Variants in SHISA6 observed in about 807,000 individuals in gnomAD.
SHISA6 encodes shisa family member 6, also known as protein shisa-6.
In SHISA6, 22 loss-of-function variants were observed where a neutral mutation model predicts 47.9. The observed-to-expected ratio is 0.46, with a 90% CI of 0.33 to 0.66. The LOEUF is 0.66. SHISA6 is among the 30% of genes least tolerant of loss of function. The probability of loss-of-function intolerance (pLI) is 0.02; values close to 1 mark genes in which losing one functional copy is unlikely to be tolerated. For synonymous variants in SHISA6, 388 were observed against 337.8 expected, an observed-to-expected ratio of 1.15 and a Z score of -1.63; for missense variants, 680 against 764.6, an observed-to-expected ratio of 0.89 and a Z score of 1.30.
intron 2 of SHISA6, among the ~76,000 whole-genome samples, chr17:11,366,561 G>A (rs1004422831): frequency 6.6e-6 from 1 of 152,198 alleles, no homozygotes; most frequent in Non-Finnish European, 1.5e-5. Context: ...CTAGAGAGTC[G>A]ATGGAAGTGG....
At chr17:11,263,874 G>C (rs1030827041) in intron 2 of SHISA6, among the ~76,000 whole-genome samples, 9 of 152,188 alleles carry the variant, frequency 5.9e-5, no homozygotes, top group African/African-American at 2.2e-4. Flanking sequence ...TGAGTAGGAT[G>C]CTAGATATGT....
At chr17:11,526,375 T>C (rs1351934604) in intron 3 of SHISA6, among the ~76,000 whole-genome samples, 1 of 152,216 alleles carries the variant, frequency 6.6e-6, no homozygotes, top group Non-Finnish European at 1.5e-5. Context: ...CTTGCCTAGT[T>C]TGACAGCAGA....
At chr17:11,262,421 T>C (rs531475337) in intron 1 of SHISA6, among the ~76,000 whole-genome samples, 1 of 152,320 alleles carries the variant, frequency 6.6e-6, no homozygotes, top group South Asian at 2.1e-4. Flanking sequence ...GTGTAGTTTC[T>C]TGTGGCTGTC....
chr17:11,280,375 T>C (rs2142160397), intron 2 of SHISA6, among the ~76,000 whole-genome samples: 1 of 152,330 alleles, frequency 6.6e-6, no homozygotes, highest in Middle Eastern at 3.4e-3. Flanking sequence ...TTAAAATATG[T>C]ACAAGACTGA....
At chr17:11,360,969 T>A (rs1171400899) in intron 2 of SHISA6, among the ~76,000 whole-genome samples, 1 of 151,622 alleles carries the variant, frequency 6.6e-6, no homozygotes, top group East Asian at 1.9e-4. Context: ...TCTCTTTGTT[T>A]TCTTTTTCCC....
intron 3 of SHISA6, among the ~76,000 whole-genome samples, chr17:11,443,013 T>A (rs1395809372): frequency 2.0e-5 from 3 of 152,122 alleles, no homozygotes; most frequent in Non-Finnish European, 2.9e-5. Flanking sequence ...AAGAACTAGA[T>A]TAAAGTTGAG....
chr17:11,479,980 G>A (rs1223987758), intron 3 of SHISA6, among the ~76,000 whole-genome samples: 1 of 151,962 alleles, frequency 6.6e-6, no homozygotes, highest in Admixed American at 6.5e-5. Flanking sequence ...AGGTCTACTG[G>A]CAACGAATTC....
chr17:11,371,863 G>T (rs1160656593), intron 2 of SHISA6, among the ~76,000 whole-genome samples: 1 of 151,954 alleles, frequency 6.6e-6, no homozygotes, highest in Non-Finnish European at 1.5e-5. Flanking sequence ...AAAGGCAAAT[G>T]CCTCCCTCCC....
intron 3 of SHISA6, among the ~76,000 whole-genome samples, chr17:11,487,280 C>T (rs1916375679): frequency 6.6e-6 from 1 of 152,224 alleles, no homozygotes; most frequent in African/African-American, 2.4e-5. Context: ...GCAAGATTCT[C>T]TCCTCCTGCA....
intron 3 of SHISA6, among the ~76,000 whole-genome samples, chr17:11,462,814 G>T (rs1915724041): frequency 6.6e-6 from 1 of 152,120 alleles, no homozygotes; most frequent in Admixed American, 6.6e-5. Flanking sequence ...TTTTAGTGGA[G>T]ATGAGGTTTC....
At chr17:11,405,344 G>A (rs1913916295) in intron 3 of SHISA6, among the ~76,000 whole-genome samples, 2 of 152,072 alleles carry the variant, frequency 1.3e-5, no homozygotes, top group African/African-American at 4.8e-5. Context: ...TAAATTTGAG[G>A]TAGCCAAGGT....
intron 2 of SHISA6, among the ~76,000 whole-genome samples, chr17:11,280,101 A>G (rs1255962979): frequency 6.6e-6 from 1 of 152,244 alleles, no homozygotes. Context: ...AATAAGAGCC[A>G]CTGAATCAAC....
At chr17:11,406,180 T>C (rs1913952189) in intron 3 of SHISA6, among the ~76,000 whole-genome samples, 1 of 152,210 alleles carries the variant, frequency 6.6e-6, no homozygotes, top group Non-Finnish European at 1.5e-5. Context: ...CACAACCACA[T>C]AGGCAGTGGT....
In SHISA6 at chr17:11,484,842, A is replaced by C. The variant is rs558470103; in HGVS notation, c.896-67054A>C. ...CCTGGAAGAAATTGAAAAAATTGTC[A>C]GTGAATTGCCCTCTGAAAAGAGTCT... On this transcript the variant is annotated intron_variant, in intron 3 of 5. Transcript: ENST00000441885. 2.0e-4 allele frequency among the ~76,000 whole-genome samples: 30 copies of C among 152,354 alleles called. 1 individual carries two copies. The highest frequency in any genetic ancestry group is 2.9e-5 in the Non-Finnish European group (2 of 68,030).
intron 1 of SHISA6, among the ~76,000 whole-genome samples, chr17:11,252,985 A>G (rs537256449): frequency 6.6e-6 from 1 of 152,340 alleles, no homozygotes; most frequent in Admixed American, 6.5e-5. Flanking sequence ...CAGTGCTCAG[A>G]TAATCAACAG....
chr17:11,277,278 TCTCA>T (rs1448112643), intron 2 of SHISA6, among the ~76,000 whole-genome samples: 53 of 52,618 alleles, frequency 1.0e-3, no homozygotes, highest in South Asian at 3.3e-3. Flanking sequence ...TCTCTCTCTC[TCTCA>T]CACACACACA....
Position 11,241,664 on chromosome 17 carries a change from T to C in SHISA6, c.242T>C (p.Val81Ala). ...GSRRGQPAAA[V>A]AAAASAAVTY... ...CGGCGGGGGCAGCCCGCGGCGGCTG[T>C]GGCGGCGGCGGCCAGCGCGGCCGTC... Residue 81 changes from valine to alanine, a missense_variant, in exon 1 of 6, where the codon GTG (valine) becomes GCG (alanine). Coordinates refer to ENST00000441885, the MANE Select transcript of SHISA6 (RefSeq NM_207386.4). The surrounding 1 kb of genome is among the most constrained non-coding windows in gnomAD (Gnocchi z 5.5). 6.9e-7 allele frequency: 1 copy of C among 1,457,596 alleles called. No individual in the cohort carries two copies. The highest frequency in any genetic ancestry group is 9.0e-7 in the Non-Finnish European group (1 of 1,111,170). 90.3% of individuals were successfully genotyped at this position (1,457,596 alleles called of 1,614,324 possible). A position where few individuals can be genotyped will look rare whatever the true frequency, so the allele number is the denominator to read the frequency against.
In SHISA6 at chr17:11,293,921, C is replaced by G. The variant is rs558051024; in HGVS notation, c.799+30395C>G. Among the ~76,000 whole-genome samples, 21 of 152,238 alleles carry G rather than the reference C, an allele frequency of 1.4e-4. No homozygotes were observed. In the South Asian group the frequency reaches 3.5e-3, roughly 26 times the overall value. On this transcript the variant is annotated intron_variant, in intron 2 of 5. Coordinates refer to ENST00000441885, the MANE Select transcript of SHISA6 (RefSeq NM_207386.4). The stretch of plus-strand genomic sequence containing the variant: ...TTGTTTTTTGAGATGGAGTCTCACT[C>G]TCTCATCGGGCTGGAATGCAGTGGC...
chr17:11,303,265 G>A (rs1313478129), intron 2 of SHISA6, among the ~76,000 whole-genome samples: 1 of 145,224 alleles, frequency 6.9e-6, no homozygotes, highest in Non-Finnish European at 1.5e-5. Flanking sequence ...GATTGTGGTT[G>A]TGAGTATGTG....
Sources: gnomAD v4.1 joint callset for allele counts (sites outside exome capture counted in the v4.1 genomes callset) on GRCh38, gnomAD v4.1.1 for gene constraint, Gnocchi (gnomAD v3.1) non-coding constraint, MANE v1.5 for transcripts, NCBI Gene and HGNC (gene_info 2026-07-23, HGNC 2026-07-21) for gene names.